Variants in MAD1L1 observed in about 807,000 individuals in gnomAD.
MAD1L1 encodes mitotic arrest deficient 1 like 1.
MAD1L1 carries 95 observed loss-of-function variants against 96.9 expected under a neutral mutation model. The observed-to-expected ratio is 0.98, with a 90% CI of 0.83 to 1.16. The LOEUF is 1.16. Ranked by LOEUF, MAD1L1 falls within the 50% of genes most tolerant of loss-of-function variation. The pLI is 0.00. For synonymous variants in MAD1L1, 473 were observed against 396.6 expected (o/e 1.19, Z -2.29); for missense variants, 1,007 against 954.4 (o/e 1.06, Z -0.73).
intron 18 of MAD1L1, among the ~76,000 whole-genome samples, chr7:1,886,122 G>A (rs1009857545): frequency 6.6e-6 from 1 of 152,226 alleles, no homozygotes; most frequent in Non-Finnish European, 1.5e-5. Context: ...CGTCAGCCCA[G>A]CAGCACTGTG....
At chr7:1,936,557 C>A (rs1341228795) in intron 17 of MAD1L1, 130 bp downstream of exon 17, 3 of 947,996 alleles carry the variant, frequency 3.2e-6, no homozygotes, top group Non-Finnish European at 4.6e-6. Flanking sequence ...CCAGACCCGG[C>A]TGCCCACAGG....
intron 18 of MAD1L1, among the ~76,000 whole-genome samples, chr7:1,871,530 C>T (rs35349665): frequency 0.72 from 90,594 of 125,918 alleles, 32,857 homozygotes; most frequent in African/African-American, 0.88. Flanking sequence ...CCTGCCACGC[C>T]GAACCCAACA....
At chr7:2,107,399 T>C (rs2109905) in intron 11 of MAD1L1, 151,662 of 152,562 alleles carry the variant, frequency 0.99, 75,393 homozygotes, top group Non-Finnish European at 1. Context: ...CCACAGCCTC[T>C]TCGCTGGACC....
At chr7:2,069,411 A>AG in intron 11 of MAD1L1, 73 bp from the exon 12 acceptor site, 1 of 1,399,848 alleles carries the variant, frequency 7.1e-7, no homozygotes, top group East Asian at 2.6e-5. Flanking sequence ...GCCCCACCCC[A>AG]GGAACGAGCC....
chr7:2,194,517 A>C (rs189402729), intron 10 of MAD1L1, among the ~76,000 whole-genome samples: 2 of 152,232 alleles, frequency 1.3e-5, no homozygotes, highest in East Asian at 3.8e-4. Context: ...AAAACTCCTC[A>C]GTCTCAGACA....
intron 10 of MAD1L1, among the ~76,000 whole-genome samples, chr7:2,182,408 G>A (rs1025139073): frequency 9.9e-5 from 15 of 152,058 alleles, no homozygotes; most frequent in Non-Finnish European, 1.9e-4. Context: ...GTAAAATGGT[G>A]TAGTTACTAT....
At chr7:1,988,423 C>T (rs1352709632) in intron 14 of MAD1L1, among the ~76,000 whole-genome samples, 8 of 152,172 alleles carry the variant, frequency 5.3e-5, no homozygotes, top group South Asian at 2.1e-4. Context: ...AAGACTTCAG[C>T]GCAGACAGAT....
At chr7:2,090,079 G>A (rs752021423) in intron 11 of MAD1L1, among the ~76,000 whole-genome samples, 1 of 152,214 alleles carries the variant, frequency 6.6e-6, no homozygotes, top group Non-Finnish European at 1.5e-5. Flanking sequence ...TGGCATGGTC[G>A]TGTTTAACTT....
At position 2,119,706 on chromosome 7, in the gene MAD1L1, TGAG is replaced by T. The variant is rs1787885285; in HGVS notation, c.1073+29443_1073+29445del. Among the ~76,000 whole-genome samples, 1 of 152,106 alleles carries T rather than the reference TGAG, an allele frequency of 6.6e-6. No individual in the cohort carries two copies. Among genetic ancestry groups the T allele is most frequent in the South Asian group, 2.1e-4 (1 of 4,836 alleles). On this transcript the variant is annotated intron_variant, in intron 11 of 18. Coordinates refer to ENST00000265854, the MANE Select transcript of MAD1L1 (RefSeq NM_001013836.2). The surrounding 1 kb of genome is among the most constrained non-coding windows in gnomAD (Gnocchi z 4.6). ...TGCACCCCGAAACCCAGAGTGCTCC[TGAG>T]GAGGGAGAGCCTGCCAGTCCAGCAG...
chr7:2,008,447 C>A (rs1782135370), intron 13 of MAD1L1, among the ~76,000 whole-genome samples: 1 of 152,226 alleles, frequency 6.6e-6, no homozygotes, highest in Admixed American at 6.5e-5. Context: ...GTGGAGCCCC[C>A]AGGCCCTGGC....
chr7:1,937,526 C>A (rs1336442711), intron 16 of MAD1L1, among the ~76,000 whole-genome samples: 1 of 152,156 alleles, frequency 6.6e-6, no homozygotes, highest in Non-Finnish European at 1.5e-5. Flanking sequence ...CGACCCCCAG[C>A]AACAAGCACC....
At chr7:1,876,916 C>T (rs1466037732) in intron 18 of MAD1L1, among the ~76,000 whole-genome samples, 1 of 117,100 alleles carries the variant, frequency 8.5e-6, no homozygotes. Context: ...ATCTCCAGGC[C>T]CCCCGCCCTG....
At chr7:2,152,385 G>C (rs1291695505) in intron 10 of MAD1L1, among the ~76,000 whole-genome samples, 1 of 152,228 alleles carries the variant, frequency 6.6e-6, no homozygotes, top group East Asian at 1.9e-4. Context: ...AGGGGCACCA[G>C]AAGGAATCCC....
chr7:2,074,044 G>A (rs1400080896), intron 11 of MAD1L1, among the ~76,000 whole-genome samples: 6 of 152,158 alleles, frequency 3.9e-5, no homozygotes, highest in East Asian at 3.9e-4. Context: ...TGGAATGCTC[G>A]CCAAGAACCA....
intron 18 of MAD1L1, among the ~76,000 whole-genome samples, chr7:1,868,710 G>A (rs998527069): frequency 1.3e-4 from 20 of 152,218 alleles, no homozygotes; most frequent in Non-Finnish European, 1.8e-4. Context: ...AACCAGAGGC[G>A]AGAGTTCTCA....
chr7:2,169,927 T>C (rs188326105), intron 10 of MAD1L1, among the ~76,000 whole-genome samples: 8 of 131,820 alleles, frequency 6.1e-5, no homozygotes, highest in Admixed American at 3.1e-4. Flanking sequence ...CCGGGGGCAC[T>C]TGGAGCAGGG....
intron 18 of MAD1L1, among the ~76,000 whole-genome samples, chr7:1,824,098 C>T (rs1198493188): frequency 1.3e-5 from 2 of 152,144 alleles, no homozygotes; most frequent in African/African-American, 4.8e-5. Context: ...CTAGGCACTG[C>T]AGGAAAATGG....
At chr7:2,123,749 G>A (rs1339212290) in intron 11 of MAD1L1, among the ~76,000 whole-genome samples, 5 of 152,360 alleles carry the variant, frequency 3.3e-5, no homozygotes, top group South Asian at 2.1e-4. Context: ...CTCCGGCGGC[G>A]TGGTGCTGCA....
chr7:1,831,426 T>C (rs6949160), intron 18 of MAD1L1, among the ~76,000 whole-genome samples: 94,009 of 150,084 alleles, frequency 0.63, 29,246 homozygotes, highest in Middle Eastern at 0.71. Context: ...CCTCCCCATT[T>C]CCTGAGACAC....
Sources: gnomAD v4.1 joint callset for allele counts (sites outside exome capture counted in the v4.1 genomes callset) on GRCh38, gnomAD v4.1.1 for gene constraint, Gnocchi (gnomAD v3.1) non-coding constraint, MANE v1.5 for transcripts, NCBI Gene and HGNC (gene_info 2026-07-23, HGNC 2026-07-21) for gene names.